PREX2: variants seen among roughly 807,000 people sequenced by gnomAD.
PREX2 encodes phosphatidylinositol 3,4,5-trisphosphate-dependent Rac exchanger 2 protein.
PREX2 carries 107 observed loss-of-function variants against 203.2 expected under a neutral mutation model. The ratio of observed to expected loss-of-function variants is 0.53; its 90% CI spans 0.45 to 0.62. PREX2 has a LOEUF of 0.62. PREX2 is among the 20% of genes least tolerant of loss of function. PREX2 has a pLI of 0.00. For synonymous variants in PREX2, 672 were observed against 663.6 expected (o/e 1.01, Z -0.19); for missense variants, 1,777 against 1,955.9 (o/e 0.91, Z 1.72).
At chr8:68,139,016 A>G (rs1362848049) in intron 33 of PREX2, among the ~76,000 whole-genome samples, 1 of 152,194 alleles carries the variant, frequency 6.6e-6, no homozygotes, top group Non-Finnish European at 1.5e-5. Flanking sequence ...TTATTCATGT[A>G]TCAAAAGCTC....
intron 1 of PREX2, among the ~76,000 whole-genome samples, chr8:68,005,559 C>T (rs960187531): frequency 6.6e-6 from 1 of 152,188 alleles, no homozygotes; most frequent in Non-Finnish European, 1.5e-5. Flanking sequence ...CACAGTCTCT[C>T]CTTCCTTTGG....
chr8:68,056,825 A>G (rs1160097674), intron 10 of PREX2, among the ~76,000 whole-genome samples: 2 of 152,206 alleles, frequency 1.3e-5, no homozygotes, highest in Non-Finnish European at 2.9e-5. Context: ...ACTGCAATCA[A>G]ACTTATCTAT....
chr8:68,062,197 G>A (rs1163761157), intron 11 of PREX2, among the ~76,000 whole-genome samples: 1 of 151,988 alleles, frequency 6.6e-6, no homozygotes, highest in Non-Finnish European at 1.5e-5. Context: ...AATGAATTCT[G>A]TCCCTTTCAG....
chr8:68,113,562 A>G (rs1476228867), intron 25 of PREX2, among the ~76,000 whole-genome samples: 1 of 152,204 alleles, frequency 6.6e-6, no homozygotes, highest in African/African-American at 2.4e-5. Flanking sequence ...GCTTTTGGTT[A>G]TTAAAAATGT....
intron 25 of PREX2, chr8:68,110,987 T>C (rs531255170): frequency 2.4e-6 from 1 of 417,582 alleles, no homozygotes; most frequent in East Asian, 7.6e-5. Flanking sequence ...TTTTAAGCAA[T>C]TGCATGACAT....
chr8:68,080,685 GT>G (rs1315105503), intron 16 of PREX2, 60 bp from the exon 17 acceptor site: 1 of 1,449,856 alleles, frequency 6.9e-7, no homozygotes, highest in African/African-American at 1.4e-5. Context: ...ACTTCGTTCT[GT>G]TTGACTTGTA....
intron 38 of PREX2, among the ~76,000 whole-genome samples, chr8:68,224,101 C>T (rs1431244968): frequency 6.6e-6 from 1 of 152,124 alleles, no homozygotes; most frequent in Non-Finnish European, 1.5e-5. Context: ...TCACTGCAGC[C>T]TCAACCTCCT....
At chr8:68,018,266 G>A (rs765878484) in intron 2 of PREX2, among the ~76,000 whole-genome samples, 2 of 151,826 alleles carry the variant, frequency 1.3e-5, no homozygotes, top group African/African-American at 2.4e-5. Flanking sequence ...TCAGGAGTTC[G>A]AGACCAGCCT....
chr8:68,048,064 A>T (rs959183139), intron 8 of PREX2, among the ~76,000 whole-genome samples: 2 of 152,064 alleles, frequency 1.3e-5, no homozygotes, highest in African/African-American at 4.8e-5. Context: ...TGTCCATGTT[A>T]TTAATTAATT....
chr8:68,112,076 C>T (rs1810546616), intron 25 of PREX2, among the ~76,000 whole-genome samples: 1 of 152,150 alleles, frequency 6.6e-6, no homozygotes, highest in African/African-American at 2.4e-5. Context: ...ATGAAATTTC[C>T]TTTAACACAT....
At chr8:68,066,334 TCCA>T (rs1332661132) in intron 11 of PREX2, among the ~76,000 whole-genome samples, 1 of 152,076 alleles carries the variant, frequency 6.6e-6, no homozygotes, top group Non-Finnish European at 1.5e-5. Context: ...AATTTACATC[TCCA>T]CCAACAGTGT....
intron 36 of PREX2, among the ~76,000 whole-genome samples, chr8:68,192,131 T>C (rs1236027060): frequency 1.3e-5 from 2 of 152,178 alleles, no homozygotes; most frequent in East Asian, 3.8e-4. Flanking sequence ...ATGCAAAGGA[T>C]TGCAGTTAGT....
intron 20 of PREX2, among the ~76,000 whole-genome samples, chr8:68,092,166 T>G (rs1809896408): frequency 6.6e-6 from 1 of 152,158 alleles, no homozygotes; most frequent in African/African-American, 2.4e-5. Context: ...TGTCTGAATT[T>G]TAAGAGGGAA....
rs143674675 is a variant in PREX2, at chr8:68,014,605, C to T, written c.142-3241C>T. 4.5e-3 allele frequency among the ~76,000 whole-genome samples: 683 copies of T among 152,272 alleles called. 4 individuals carry two copies. Among genetic ancestry groups the T allele is most frequent in the Admixed American group, 0.012 (176 of 15,302 alleles). ...TGATTTTCATGGGTGGGAGGCACGT[C>T]CTCTGCGGGGTGCCAGCATCCCCAA... On this transcript the variant is annotated intron_variant, in intron 1 of 39. Transcript: ENST00000288368.
intron 1 of PREX2, among the ~76,000 whole-genome samples, chr8:67,970,937 A>G (rs1008811906): frequency 6.6e-6 from 1 of 152,202 alleles, no homozygotes; most frequent in African/African-American, 2.4e-5. Flanking sequence ...AGTAACAAAG[A>G]GTAAATGCCT....
chr8:68,201,844 G>A (rs1812508227), intron 37 of PREX2, among the ~76,000 whole-genome samples: 1 of 151,706 alleles, frequency 6.6e-6, no homozygotes, highest in African/African-American at 2.4e-5. Flanking sequence ...AACATATTCA[G>A]GAAGAGTATA....
intron 28 of PREX2, 63 bp from the exon 29 acceptor site, chr8:68,120,127 ATTTACT>A (rs1395105241): frequency 9.8e-7 from 1 of 1,020,544 alleles, no homozygotes; most frequent in Non-Finnish European, 1.5e-6. Flanking sequence ...ATTTTATAAG[ATTTACT>A]TTTAGAAATA....
chr8:68,087,650 A>G, intron 18 of PREX2, 74 bp from the exon 19 acceptor site: 1 of 1,046,836 alleles, frequency 9.6e-7, no homozygotes, highest in Non-Finnish European at 1.5e-6. Context: ...AGAGGTGTAA[A>G]GCTGTACACG....
chr8:68,049,061 AAAGGT>A (rs1239533676), intron 8 of PREX2, among the ~76,000 whole-genome samples: 70 of 151,724 alleles, frequency 4.6e-4, no homozygotes, highest in Middle Eastern at 6.8e-3. Flanking sequence ...GGGAGTTCAG[AAAGGT>A]CAAGGGATGA....
Sources: gnomAD v4.1 joint callset for allele counts (sites outside exome capture counted in the v4.1 genomes callset) on GRCh38, gnomAD v4.1.1 for gene constraint, MANE v1.5 for transcripts, NCBI Gene and HGNC (gene_info 2026-07-23, HGNC 2026-07-21) for gene names.